Variants in FRMD4A observed in about 807,000 individuals in gnomAD.
FRMD4A encodes FERM domain containing 4A, also known as FERM domain-containing protein 4A.
A neutral mutation model predicts 129.1 loss-of-function variants in FRMD4A; 29 were observed. The ratio of observed to expected loss-of-function variants is 0.22; its 90% CI spans 0.17 to 0.31. The LOEUF (loss-of-function observed/expected upper bound fraction) is 0.31, where lower values mean the gene tolerates loss of function less well. Among genes scored for constraint, FRMD4A ranks in the 10% least tolerant of loss-of-function variants. The probability of loss-of-function intolerance (pLI) is 1.00; values close to 1 mark genes in which losing one functional copy is unlikely to be tolerated. For synonymous variants in FRMD4A, 634 were observed against 571.6 expected (o/e 1.11, Z -1.56); for missense variants, 1,272 against 1,375.8 (o/e 0.92, Z 1.19).
intron 2 of FRMD4A, among the ~76,000 whole-genome samples, chr10:14,039,262 G>T (rs1448687501): frequency 6.6e-6 from 1 of 151,968 alleles, no homozygotes; most frequent in Non-Finnish European, 1.5e-5. Flanking sequence ...CTTACAATAG[G>T]GTAGATGCCA....
chr10:13,965,065 ATTTTTT>A (rs398012865), intron 2 of FRMD4A, among the ~76,000 whole-genome samples: 6 of 141,104 alleles, frequency 4.3e-5, no homozygotes, highest in Admixed American at 2.8e-4. Context: ...ACCACTGGGC[ATTTTTT>A]TTTTTTTTTT....
rs776441796 is a variant in FRMD4A at position 13,654,441 on chromosome 10, G to T, written c.3025C>A (p.His1009Asn). ...CCAGTCTGCCAGGTTAGGATGTGGT[G>T]GGGGCTGCTTGGGGGGGTGGCTCCA... ...EIGATPPSSP[H>N]HILTWQTGEA... is the part of the protein sequence containing the mutation. Residue 1009 changes from histidine to asparagine, a missense_variant, in exon 23 of 25, where the codon CAC (histidine) becomes AAC (asparagine). Around this residue, in one of 2 missense-constraint regions of FRMD4A, gnomAD observed 972 missense variants for 892.3 expected, o/e 1.09. Coordinates refer to ENST00000357447, the MANE Select transcript of FRMD4A (RefSeq NM_018027.5). 1 of 1,612,080 alleles carries T rather than the reference G, an allele frequency of 6.2e-7. No homozygotes were observed. Among genetic ancestry groups the T allele is most frequent in the African/African-American group, 1.3e-5 (1 of 74,918 alleles).
intron 2 of FRMD4A, among the ~76,000 whole-genome samples, chr10:14,197,164 T>C (rs1385585262): frequency 6.6e-6 from 1 of 152,152 alleles, no homozygotes; most frequent in Non-Finnish European, 1.5e-5. Flanking sequence ...GTCTGGTACC[T>C]CAGTTGTTCA....
chr10:14,109,257 T>C (rs1003643039), intron 2 of FRMD4A, among the ~76,000 whole-genome samples: 4 of 148,740 alleles, frequency 2.7e-5, no homozygotes, highest in African/African-American at 9.9e-5. Context: ...GAAGAAGCAA[T>C]GGGTGAGATA....
At chr10:13,707,753 A>G (rs746322832) in intron 12 of FRMD4A, 38 of 985,350 alleles carry the variant, frequency 3.9e-5, no homozygotes, top group Non-Finnish European at 4.5e-5. Flanking sequence ...TTCTTGCTGC[A>G]GCACAAAGAA....
chr10:14,178,622 A>T (rs1025138395), intron 2 of FRMD4A, among the ~76,000 whole-genome samples: 1 of 152,194 alleles, frequency 6.6e-6, no homozygotes, highest in African/African-American at 2.4e-5. Context: ...GTCCGTGAAG[A>T]ATAATTGTCA....
At chr10:13,819,698 C>T (rs936246508) in intron 3 of FRMD4A, among the ~76,000 whole-genome samples, 5 of 142,732 alleles carry the variant, frequency 3.5e-5, no homozygotes, top group Non-Finnish European at 7.6e-5. Context: ...TATATTGTCT[C>T]CTTTTTTTTT....
At chr10:14,039,385 TCCATCC>T (rs1565204427) in intron 2 of FRMD4A, among the ~76,000 whole-genome samples, 6 of 124,992 alleles carry the variant, frequency 4.8e-5, no homozygotes, top group African/African-American at 1.3e-4. Flanking sequence ...CATCCATCCA[TCCATCC>T]ATCCATCCAT....
At chr10:13,719,899 AAAATC>A (rs2089256834) in intron 12 of FRMD4A, among the ~76,000 whole-genome samples, 1 of 152,220 alleles carries the variant, frequency 6.6e-6, no homozygotes, top group African/African-American at 2.4e-5. Context: ...GGACAAAAAT[AAAATC>A]AAAGGAGAGC....
Position 13,644,483 on chromosome 10 carries a change from A to G in FRMD4A, c.*2555T>C, listed in dbSNP as rs1352291392. 6.6e-6 allele frequency: 1 copy of G among 152,188 alleles called. No homozygotes were observed. The highest frequency in any genetic ancestry group is 1.9e-4 in the East Asian group (1 of 5,194). The allele number at this position is 152,188 out of a possible 1,614,324, so 9.4% of individuals were successfully genotyped here. On this transcript the variant is annotated 3_prime_UTR_variant, in exon 25 of 25. Transcript: ENST00000357447. ...TCTCTGTCTTGACTACCAGACTATC[A>G]TGATGTTTGTTGGAACTGTAATTCC...
intron 2 of FRMD4A, among the ~76,000 whole-genome samples, chr10:13,927,285 T>G (rs1208675066): frequency 6.6e-6 from 1 of 151,934 alleles, no homozygotes; most frequent in Non-Finnish European, 1.5e-5. Flanking sequence ...CGGTTGAGAA[T>G]GAAGCCCAGT....
chr10:13,706,116 T>G (rs997224790), intron 13 of FRMD4A, among the ~76,000 whole-genome samples: 2 of 152,158 alleles, frequency 1.3e-5, no homozygotes, highest in Non-Finnish European at 2.9e-5. Flanking sequence ...GTCCTCCTTC[T>G]AAGCCCAGGG....
intron 14 of FRMD4A, among the ~76,000 whole-genome samples, chr10:13,699,224 G>GTTTTTTTTTT (rs1168489802): frequency 8.9e-3 from 676 of 75,992 alleles, no homozygotes; most frequent in East Asian, 0.033. Flanking sequence ...CTTGGTTATT[G>GTTTTTTTTTT]TTTTTTTTTT....
chr10:14,086,474 C>T (rs73597206), intron 2 of FRMD4A, among the ~76,000 whole-genome samples: 9,219 of 152,180 alleles, frequency 0.061, 310 homozygotes, highest in African/African-American at 0.084. Flanking sequence ...GCATCTTATG[C>T]TTGGTAAGTG....
chr10:14,089,298 G>C (rs1488646769), intron 2 of FRMD4A, among the ~76,000 whole-genome samples: 1 of 152,166 alleles, frequency 6.6e-6, no homozygotes, highest in Non-Finnish European at 1.5e-5. Flanking sequence ...ACCGTTGGCT[G>C]ACTTCCCATG....
chr10:14,140,370 G>A (rs901002887), intron 2 of FRMD4A, among the ~76,000 whole-genome samples: 9 of 152,154 alleles, frequency 5.9e-5, no homozygotes, highest in Non-Finnish European at 1.0e-4. Flanking sequence ...GCCGGAAAAT[G>A]CGTTTTAAAC....
chr10:13,879,767 C>T (rs1303574013), intron 2 of FRMD4A, among the ~76,000 whole-genome samples: 7 of 126,826 alleles, frequency 5.5e-5, no homozygotes, highest in African/African-American at 2.1e-4. Context: ...CCCTCCCCCT[C>T]CTTCCCCTTC....
intron 3 of FRMD4A, among the ~76,000 whole-genome samples, chr10:13,831,799 TAGG>T (rs1470731556): frequency 1.3e-5 from 2 of 152,106 alleles, no homozygotes; most frequent in Non-Finnish European, 2.9e-5. Context: ...CCTTTTTGGG[TAGG>T]AGATCTCCCA....
At chr10:14,074,414 G>A (rs1835465979) in intron 2 of FRMD4A, 2 of 152,204 alleles carry the variant, frequency 1.3e-5, no homozygotes, top group African/African-American at 4.8e-5. Flanking sequence ...TAGCTGCAGT[G>A]TTGGATATGC....
Sources: gnomAD v4.1 joint callset for allele counts (sites outside exome capture counted in the v4.1 genomes callset) on GRCh38, gnomAD v4.1.1 for gene constraint, gnomAD v4.1.1 regional missense constraint, MANE v1.5 for transcripts, NCBI Gene and HGNC (gene_info 2026-07-23, HGNC 2026-07-21) for gene names.